EXT1: variants seen among roughly 807,000 people sequenced by gnomAD.
The protein encoded by EXT1 is exostosin-1.
In EXT1, 20 loss-of-function variants were observed where a neutral mutation model predicts 82.5. The observed-to-expected ratio is 0.24, with a 90% CI of 0.17 to 0.35. EXT1 has a LOEUF of 0.35. Among genes scored for constraint, EXT1 ranks in the 10% least tolerant of loss-of-function variants. The probability of loss-of-function intolerance (pLI) is 1.00; values close to 1 mark genes in which losing one functional copy is unlikely to be tolerated. For synonymous variants in EXT1, 348 were observed against 350.8 expected (o/e 0.99, Z 0.09); for missense variants, 757 against 936.5 (o/e 0.81, Z 2.50).
chr8:117,958,984 A>C (rs188671965), intron 1 of EXT1, among the ~76,000 whole-genome samples: 142 of 152,246 alleles, frequency 9.3e-4, no homozygotes, highest in African/African-American at 3.3e-3. Context: ...GTTTTTCTGC[A>C]CTGATCCTAG....
At chr8:117,972,592 C>A (rs1023509705) in intron 1 of EXT1, among the ~76,000 whole-genome samples, 1 of 152,130 alleles carries the variant, frequency 6.6e-6, no homozygotes, top group Non-Finnish European at 1.5e-5. Flanking sequence ...AAATCGAATA[C>A]CAATTGCTTT....
At chr8:117,812,789 G>C in intron 8 of EXT1, 83 bp downstream of exon 8, 1 of 1,255,494 alleles carries the variant, frequency 8.0e-7, no homozygotes, top group Non-Finnish European at 1.2e-6. Context: ...GCCAAGGCAC[G>C]GCTAAAAGAA....
rs2129740657 is a variant in EXT1, at chr8:117,819,673, C to T, written c.1536+3G>A. The T allele has an allele frequency of 6.2e-7, 1 of 1,611,918 alleles. No homozygotes were observed. The highest frequency in any genetic ancestry group is 1.7e-5 in the Admixed American group (1 of 60,024). ...GGGGCTTCTCTGTCAACTTCCCGCT[C>T]ACCTGGGCACAGTACTGGGACTTGG... On this transcript the variant is annotated splice_donor_region_variant and intron_variant, in intron 6 of 10. Coordinates refer to ENST00000378204, the MANE Select transcript of EXT1 (RefSeq NM_000127.3).
chr8:117,837,034 G>A (rs1308049646), intron 2 of EXT1, 74 bp downstream of exon 2: 3 of 964,350 alleles, frequency 3.1e-6, no homozygotes, highest in East Asian at 4.8e-5. Context: ...TCCCAGGAGA[G>A]GTGATAATGT....
At chr8:118,000,012 TAC>T (rs1321917061) in intron 1 of EXT1, among the ~76,000 whole-genome samples, 1 of 151,766 alleles carries the variant, frequency 6.6e-6, no homozygotes, top group Non-Finnish European at 1.5e-5. Context: ...TATACACACA[TAC>T]ACACACACAT....
At chr8:118,044,327 C>T (rs1327433336) in intron 1 of EXT1, among the ~76,000 whole-genome samples, 3 of 152,100 alleles carry the variant, frequency 2.0e-5, no homozygotes, top group Non-Finnish European at 4.4e-5. Flanking sequence ...CTGCTGCCCC[C>T]ATGGCTCATA....
intron 3 of EXT1, among the ~76,000 whole-genome samples, chr8:117,833,690 C>T (rs1236196207): frequency 4.0e-5 from 6 of 151,816 alleles, no homozygotes. Flanking sequence ...GACAAACTTT[C>T]AATTTGTTCA....
At chr8:117,802,762 T>C (rs1464304060) in intron 10 of EXT1, among the ~76,000 whole-genome samples, 1 of 152,240 alleles carries the variant, frequency 6.6e-6, no homozygotes, top group Admixed American at 6.5e-5. Context: ...CTTAAAAATT[T>C]TTACAAATCC....
chr8:117,979,150 T>G (rs1056419975), intron 1 of EXT1, among the ~76,000 whole-genome samples: 3 of 151,974 alleles, frequency 2.0e-5, no homozygotes, highest in African/African-American at 7.2e-5. Context: ...GTCAGGAGTT[T>G]GAGACCAGCC....
At chr8:118,021,691 G>A (rs1299121481) in intron 1 of EXT1, among the ~76,000 whole-genome samples, 1 of 152,144 alleles carries the variant, frequency 6.6e-6, no homozygotes, top group Non-Finnish European at 1.5e-5. Flanking sequence ...TTGTCTGAAT[G>A]TTTGAAACTT....
chr8:118,041,087 A>G (rs1337865554), intron 1 of EXT1, among the ~76,000 whole-genome samples: 1 of 152,258 alleles, frequency 6.6e-6, no homozygotes, highest in Non-Finnish European at 1.5e-5. Flanking sequence ...CTAATTTATT[A>G]TAAAATTTTT....
At chr8:118,052,908 G>T (rs1384734643) in intron 1 of EXT1, among the ~76,000 whole-genome samples, 1 of 152,194 alleles carries the variant, frequency 6.6e-6, no homozygotes, top group African/African-American at 2.4e-5. Context: ...GGAATGTGAA[G>T]AATTTAGGAG....
rs1814438274 is a variant in EXT1, at chr8:117,948,877, G to C, written c.963-111676C>G. On this transcript the variant is annotated intron_variant, in intron 1 of 10. Coordinates refer to ENST00000378204, the MANE Select transcript of EXT1 (RefSeq NM_000127.3). ...TGTTTATCTACTTATGTTTTGGGTT[G>C]TTGGTTTTTAATTCTTGGCTTTCAC... Among the ~76,000 whole-genome samples the C allele has an allele frequency of 2.0e-5, 3 of 152,268 alleles. No individual in the cohort carries two copies. In the South Asian group the frequency reaches 6.2e-4, roughly 32 times the overall value.
In EXT1 at chr8:117,939,531, T is replaced by G. The variant is rs187504852; in HGVS notation, c.963-102330A>C. On this transcript the variant is annotated intron_variant, in intron 1 of 10. Coordinates refer to ENST00000378204, the MANE Select transcript of EXT1 (RefSeq NM_000127.3). ...TTGCAGTAAGCCAAGATTGCACCAC[T>G]GCACTCCAGCCTGGGCAACAAGAGT... Among the ~76,000 whole-genome samples, 628 of 142,778 alleles carry G rather than the reference T, an allele frequency of 4.4e-3. 8 individuals carry two copies. Among genetic ancestry groups the G allele is most frequent in the African/African-American group, 0.016 (591 of 37,790 alleles). The allele number at this position is 142,778 out of a possible 152,430, so 93.7% of individuals were successfully genotyped here.
chr8:117,900,788 G>C (rs17479635), intron 1 of EXT1, among the ~76,000 whole-genome samples: 1 of 152,136 alleles, frequency 6.6e-6, no homozygotes, highest in South Asian at 2.1e-4. Context: ...ATGGCTCCTG[G>C]GACTAAGGGT....
intron 1 of EXT1, among the ~76,000 whole-genome samples, chr8:118,092,248 G>A (rs1484921913): frequency 6.6e-6 from 1 of 152,136 alleles, no homozygotes; most frequent in Admixed American, 6.5e-5. Flanking sequence ...ATTTGAAAAG[G>A]AGATATAGAA....
intron 1 of EXT1, among the ~76,000 whole-genome samples, chr8:117,958,659 AAT>A (rs1358141698): frequency 6.6e-6 from 1 of 152,244 alleles, no homozygotes; most frequent in South Asian, 2.1e-4. Context: ...CTAAAAATTT[AAT>A]ATCAGAGAAA....
rs116949074 is a variant in EXT1 at position 117,878,685 on chromosome 8, G to A, written c.963-41484C>T. The stretch of plus-strand genomic sequence containing the variant: ...CAATCTCTGCAGATAAGAATATCCA[G>A]TGCTGTAAATGCAACTACCTCAATG... On this transcript the variant is annotated intron_variant, in intron 1 of 10. Coordinates refer to ENST00000378204, the MANE Select transcript of EXT1 (RefSeq NM_000127.3). Among the ~76,000 whole-genome samples the A allele has an allele frequency of 9.6e-4, 146 of 152,332 alleles. No individual in the cohort carries two copies. The East Asian group carries it at 0.026, about 27-fold the overall frequency.
chr8:117,860,359 G>A (rs1285884881), intron 1 of EXT1, among the ~76,000 whole-genome samples: 1 of 152,068 alleles, frequency 6.6e-6, no homozygotes, highest in South Asian at 2.1e-4. Context: ...CAAGGTGGGA[G>A]GGTGGAAGGG....
Sources: gnomAD v4.1 joint callset for allele counts (sites outside exome capture counted in the v4.1 genomes callset) on GRCh38, gnomAD v4.1.1 for gene constraint, MANE v1.5 for transcripts, NCBI Gene and HGNC (gene_info 2026-07-23, HGNC 2026-07-21) for gene names.